Variants in ZYG11B observed in about 807,000 individuals in gnomAD.
ZYG11B encodes the protein zyg-11 family member B, cell cycle regulator.
Under a neutral mutation model 82.4 loss-of-function variants are expected in ZYG11B, and 36 were observed. The observed-to-expected ratio is 0.44, with a 90% CI of 0.33 to 0.58. ZYG11B has a LOEUF of 0.58. Ranked by LOEUF, ZYG11B falls within the 20% of genes least tolerant of loss-of-function variation. The pLI is 0.02. For missense variants in ZYG11B, 552 were observed against 895.6 expected, an observed-to-expected ratio of 0.62 and a Z score of 4.90; for synonymous variants, 303 against 312.8, an observed-to-expected ratio of 0.97 and a Z score of 0.33.
intron 1 of ZYG11B, among the ~76,000 whole-genome samples, chr1:52,755,684 T>C (rs1644569809): frequency 1.3e-5 from 2 of 152,114 alleles, no homozygotes; most frequent in South Asian, 2.1e-4. Flanking sequence ...TATTAGTGTT[T>C]AGTGGAGACA....
intron 5 of ZYG11B, among the ~76,000 whole-genome samples, chr1:52,786,286 G>A (rs1343450857): frequency 6.6e-6 from 1 of 152,094 alleles, no homozygotes. Flanking sequence ...CACTGTAATG[G>A]TTATAGAGTT....
intron 13 of ZYG11B, among the ~76,000 whole-genome samples, chr1:52,817,191 T>TA (rs1294997799): frequency 6.6e-6 from 1 of 152,132 alleles, no homozygotes; most frequent in South Asian, 2.1e-4. Flanking sequence ...TCAAGGAATT[T>TA]AAAGATTAGG....
intron 6 of ZYG11B, among the ~76,000 whole-genome samples, chr1:52,790,678 A>C (rs1026746707): frequency 7.7e-6 from 1 of 129,164 alleles, no homozygotes. Context: ...AGATCGCGCC[A>C]TTGCACTCCA....
intron 6 of ZYG11B, among the ~76,000 whole-genome samples, chr1:52,792,734 C>A (rs938043813): frequency 1.3e-5 from 2 of 152,138 alleles, no homozygotes; most frequent in Non-Finnish European, 2.9e-5. Flanking sequence ...TAAAAATTAA[C>A]TTTTATAAAG....
At chr1:52,735,055 G>A (rs1163449309) in intron 1 of ZYG11B, among the ~76,000 whole-genome samples, 5 of 141,358 alleles carry the variant, frequency 3.5e-5, no homozygotes, top group East Asian at 4.4e-4. Context: ...TTTTTGAGAC[G>A]GAGTTTCTCT....
At position 52,751,957 on chromosome 1, in the gene ZYG11B, G is replaced by A. The variant is rs79931864; in HGVS notation, c.31-4501G>A. ...TCAACACAGAACACTTCTGTGACCA[G>A]ATGTGTGGTTTTTTTTTTTCCCTAT... On this transcript the variant is annotated intron_variant, in intron 1 of 13. Transcript: ENST00000294353. Among the ~76,000 whole-genome samples, 900 of 151,046 alleles carry A rather than the reference G, an allele frequency of 6.0e-3. 5 individuals are homozygous for A. The highest frequency in any genetic ancestry group is 9.5e-3 in the Non-Finnish European group (647 of 67,894).
At chr1:52,767,680 G>C (rs1166376504) in intron 2 of ZYG11B, among the ~76,000 whole-genome samples, 4 of 152,088 alleles carry the variant, frequency 2.6e-5, no homozygotes, top group Non-Finnish European at 4.4e-5. Context: ...GCAGAGGTTG[G>C]AATTCTGACT....
chr1:52,825,211 T>G lies in ZYG11B; in HGVS notation c.*3582T>G, dbSNP rs1161627059. 1 of 152,162 alleles carries G rather than the reference T, an allele frequency of 6.6e-6. No individual in the cohort carries two copies. The highest frequency in any genetic ancestry group is 2.4e-5 in the African/African-American group (1 of 41,450). 9.4% of individuals were successfully genotyped at this position (152,162 alleles called of 1,614,324 possible). A position where few individuals can be genotyped will look rare whatever the true frequency, so the allele number is the denominator to read the frequency against. Reference sequence around the variant, plus strand: ...GTAATTATTGCTGTGGTCTTTCTACTCCACAAAATAATTTTTTCTTTTTGC... The same window carrying G: ...GTAATTATTGCTGTGGTCTTTCTACGCCACAAAATAATTTTTTCTTTTTGC... On this transcript the variant is annotated 3_prime_UTR_variant, in exon 14 of 14. Coordinates refer to ENST00000294353, the MANE Select transcript of ZYG11B (RefSeq NM_024646.3).
chr1:52,796,663 G>T (rs890102410), intron 7 of ZYG11B, 71 bp from the exon 8 acceptor site: 2 of 1,274,234 alleles, frequency 1.6e-6, no homozygotes, highest in South Asian at 1.3e-5. Context: ...TTGGAGTGAG[G>T]TACAGTGAAT....
At chr1:52,803,259 TATATATAC>T (rs1389346109) in intron 10 of ZYG11B, among the ~76,000 whole-genome samples, 1 of 81,728 alleles carries the variant, frequency 1.2e-5, no homozygotes, top group Non-Finnish European at 2.3e-5. Context: ...CATATATATA[TATATATAC>T]ACACACACAC....
chr1:52,739,662 C>T (rs1247652300), intron 1 of ZYG11B, among the ~76,000 whole-genome samples: 2 of 151,978 alleles, frequency 1.3e-5, no homozygotes, highest in Non-Finnish European at 2.9e-5. Flanking sequence ...CACTCTGAAG[C>T]TCTGGCTGGA....
intron 6 of ZYG11B, among the ~76,000 whole-genome samples, chr1:52,796,027 A>T (rs1263007894): frequency 6.6e-6 from 1 of 152,248 alleles, no homozygotes; most frequent in Non-Finnish European, 1.5e-5. Flanking sequence ...TACAGAATAG[A>T]AATATGTTAT....
At chr1:52,816,477 G>A (rs917013483) in intron 12 of ZYG11B, 55 bp from the exon 13 acceptor site, 3 of 1,276,454 alleles carry the variant, frequency 2.4e-6, no homozygotes, top group Non-Finnish European at 3.4e-6. Flanking sequence ...CACTGCTTTA[G>A]GAAATTACGC....
At chr1:52,816,864 C>G (rs1257247036) in intron 13 of ZYG11B, among the ~76,000 whole-genome samples, 3 of 144,492 alleles carry the variant, frequency 2.1e-5, no homozygotes, top group Non-Finnish European at 4.5e-5. Context: ...TCTCGGCTCA[C>G]TGGAACCTCC....
chr1:52,790,768 G>GT (rs1389111615), intron 6 of ZYG11B, among the ~76,000 whole-genome samples: 1 of 98,650 alleles, frequency 1.0e-5, no homozygotes, highest in African/African-American at 4.9e-5. Flanking sequence ...TCTAGGTCCA[G>GT]TGTTCTTTTT....
intron 13 of ZYG11B, among the ~76,000 whole-genome samples, chr1:52,817,923 C>T (rs1236605534): frequency 7.1e-6 from 1 of 141,346 alleles, no homozygotes; most frequent in Non-Finnish European, 1.5e-5. Context: ...CCACACCCTC[C>T]ACCTCCCAGG....
At chr1:52,736,867 G>A (rs1277624758) in intron 1 of ZYG11B, among the ~76,000 whole-genome samples, 1 of 152,164 alleles carries the variant, frequency 6.6e-6, no homozygotes, top group Non-Finnish European at 1.5e-5. Flanking sequence ...GGGATTACAG[G>A]TGTGAGCCGC....
intron 10 of ZYG11B, among the ~76,000 whole-genome samples, chr1:52,806,271 A>G (rs1279870008): frequency 1.3e-5 from 2 of 152,166 alleles, no homozygotes; most frequent in East Asian, 1.9e-4. Context: ...ATAAATGACA[A>G]TCAGGTCACT....
chr1:52,802,255 G>A (rs1462542479), intron 10 of ZYG11B, 116 bp downstream of exon 10: 27 of 871,622 alleles, frequency 3.1e-5, no homozygotes, highest in East Asian at 1.0e-4. Flanking sequence ...TCTAAGGCAC[G>A]GTCATTGCTA....
Sources: allele counts gnomAD v4.1 joint callset (sites outside exome capture counted in the v4.1 genomes callset), GRCh38; gene constraint gnomAD v4.1.1; transcripts MANE v1.5; gene names NCBI Gene and HGNC (gene_info 2026-07-23, HGNC 2026-07-21).